ACTR3C: variants seen among roughly 807,000 people sequenced by gnomAD.
ACTR3C encodes the protein actin-related protein 3C.
A neutral mutation model predicts 26.3 loss-of-function variants in ACTR3C; 18 were observed. That is an observed-to-expected ratio of 0.68 (90% CI 0.47 to 1.01). ACTR3C has a LOEUF of 1.01. ACTR3C is among the 50% of genes least tolerant of loss of function. ACTR3C has a pLI of 0.00. For synonymous variants in ACTR3C, 55 were observed against 94.5 expected (o/e 0.58, Z 2.42); for missense variants, 184 against 250.7 (o/e 0.73, Z 1.80).
chr7:149,936,948 C>A, the ACTR3C span, among the ~76,000 whole-genome samples: 1 of 151,464 alleles, frequency 6.6e-6, no homozygotes, highest in Non-Finnish European at 1.5e-5. Context: ...TGCCACCATA[C>A]CCAGCTAACT....
At chr7:150,185,274 GGCGTGTGTGTGTGT>G in the ACTR3C span, among the ~76,000 whole-genome samples, 9 of 124,268 alleles carry the variant, frequency 7.2e-5, no homozygotes, top group East Asian at 4.9e-4. Flanking sequence ...TTAAATGTCA[GGCGTGTGTGTGTGT>G]GTGTGTGTGT....
chr7:150,038,457 G>GT, the ACTR3C span, among the ~76,000 whole-genome samples: 45 of 143,354 alleles, frequency 3.1e-4, no homozygotes, highest in African/African-American at 1.2e-3. Flanking sequence ...CATTTCAAAA[G>GT]TTCCGGGTCC....
At chr7:150,154,723 C>T in the ACTR3C span, among the ~76,000 whole-genome samples, 1 of 151,916 alleles carries the variant, frequency 6.6e-6, no homozygotes, top group South Asian at 2.1e-4. Flanking sequence ...ACTAAATCAC[C>T]ACCCAGAAAA....
intron 6 of ACTR3C, among the ~76,000 whole-genome samples, chr7:150,253,674 T>C (rs1833007626): frequency 1.3e-5 from 2 of 152,048 alleles, no homozygotes; most frequent in African/African-American, 4.8e-5. Context: ...GGGATAGTAA[T>C]AAATAGTACA....
the ACTR3C span, among the ~76,000 whole-genome samples, chr7:149,919,430 G>A: frequency 6.6e-6 from 1 of 151,752 alleles, no homozygotes; most frequent in Admixed American, 6.6e-5. Context: ...TAGTAGAGAC[G>A]GGGTTTCACC....
At chr7:150,130,169 A>T in the ACTR3C span, among the ~76,000 whole-genome samples, 2 of 152,224 alleles carry the variant, frequency 1.3e-5, no homozygotes, top group African/African-American at 4.8e-5. Context: ...TAAAAAATTT[A>T]ACATGAACTG....
the ACTR3C span, among the ~76,000 whole-genome samples, chr7:150,108,102 G>A: frequency 2.7e-5 from 4 of 150,168 alleles, no homozygotes; most frequent in African/African-American, 7.4e-5. Context: ...TGGGTAGGAC[G>A]GATTAGATGC....
At chr7:150,309,870 G>C (rs1033909397) in intron 1 of ACTR3C, among the ~76,000 whole-genome samples, 1 of 152,158 alleles carries the variant, frequency 6.6e-6, no homozygotes, top group Non-Finnish European at 1.5e-5. Context: ...CATCATGGAC[G>C]CCGAGCTTCG....
At chr7:149,942,934 C>G in the ACTR3C span, among the ~76,000 whole-genome samples, 9 of 151,834 alleles carry the variant, frequency 5.9e-5, no homozygotes, top group South Asian at 4.2e-4. Flanking sequence ...GGCTGATCGA[C>G]GAACAAATCA....
chr7:149,931,412 C>T, the ACTR3C span, among the ~76,000 whole-genome samples: 1 of 152,212 alleles, frequency 6.6e-6, no homozygotes, highest in Admixed American at 6.5e-5. Context: ...GAGCTCTTAT[C>T]CACTCTCTCA....
downstream of ACTR3C, among the ~76,000 whole-genome samples, chr7:150,243,708 T>C (rs565965033): frequency 2.5e-3 from 380 of 152,292 alleles, 2 homozygotes; most frequent in African/African-American, 8.7e-3. Flanking sequence ...TAATATATAA[T>C]ACAATGTAAA....
the ACTR3C span, among the ~76,000 whole-genome samples, chr7:150,203,150 T>C: frequency 6.6e-6 from 1 of 152,224 alleles, no homozygotes; most frequent in Admixed American, 6.5e-5. Context: ...ATGCAGAATC[T>C]TGGGCTCCAC....
chr7:150,172,331 G>A, the ACTR3C span, among the ~76,000 whole-genome samples: 4 of 150,518 alleles, frequency 2.7e-5, no homozygotes, highest in African/African-American at 1.0e-4. Context: ...GAGGTGAAAG[G>A]CACTTCTTAC....
At chr7:150,256,728 A>G (rs1314904044) in intron 6 of ACTR3C, among the ~76,000 whole-genome samples, 1 of 151,886 alleles carries the variant, frequency 6.6e-6, no homozygotes, top group Admixed American at 6.5e-5. Context: ...TACATGAACA[A>G]AACTGTGCAT....
At chr7:150,229,256 G>T in the ACTR3C span, among the ~76,000 whole-genome samples, 121 of 152,056 alleles carry the variant, frequency 8.0e-4, no homozygotes, top group African/African-American at 2.8e-3. Context: ...AACTTGTCTT[G>T]CTCTTTGTCT....
chr7:150,267,612 T>C (rs1317184316), intron 6 of ACTR3C, among the ~76,000 whole-genome samples: 3 of 152,204 alleles, frequency 2.0e-5, no homozygotes, highest in Non-Finnish European at 4.4e-5. Context: ...CATATTATTA[T>C]TAGTTATTGC....
the ACTR3C span, among the ~76,000 whole-genome samples, chr7:150,141,017 A>G: frequency 1.3e-5 from 2 of 152,246 alleles, no homozygotes; most frequent in Admixed American, 1.3e-4. Flanking sequence ...ACATTCCCTT[A>G]AGACAAAGCC....
the ACTR3C span, among the ~76,000 whole-genome samples, chr7:150,205,783 TCTA>T: frequency 6.6e-6 from 1 of 152,110 alleles, no homozygotes; most frequent in Non-Finnish European, 1.5e-5. Flanking sequence ...CACTCCCACT[TCTA>T]CTTAGAAAAT....
At chr7:150,137,682 G>A in the ACTR3C span, among the ~76,000 whole-genome samples, 1 of 152,128 alleles carries the variant, frequency 6.6e-6, no homozygotes, top group Admixed American at 6.5e-5. Context: ...ACAAATGAAG[G>A]AACAGTTAAT....
Sources: gnomAD v4.1 joint callset for allele counts (sites outside exome capture counted in the v4.1 genomes callset) on GRCh38, gnomAD v4.1.1 for gene constraint, MANE v1.5 for transcripts, NCBI Gene and HGNC (gene_info 2026-07-23, HGNC 2026-07-21) for gene names.